SPATA17: variants seen among roughly 807,000 people sequenced by gnomAD.
The protein encoded by SPATA17 is spermatogenesis-associated protein 17.
Under a neutral mutation model 62.2 loss-of-function variants are expected in SPATA17, and 53 were observed. The ratio of observed to expected loss-of-function variants is 0.85; its 90% CI spans 0.68 to 1.07. The LOEUF (loss-of-function observed/expected upper bound fraction) is 1.07, where lower values mean the gene tolerates loss of function less well. SPATA17 is among the 50% of genes least tolerant of loss of function. SPATA17 has a pLI of 0.00. For synonymous variants in SPATA17, 146 were observed against 146.8 expected (o/e 0.99, Z 0.04); for missense variants, 466 against 425.5 (o/e 1.10, Z -0.84).
intron 9 of SPATA17, among the ~76,000 whole-genome samples, chr1:217,855,086 T>C (rs548230757): frequency 4.5e-4 from 68 of 152,326 alleles, no homozygotes; most frequent in African/African-American, 1.6e-3. Flanking sequence ...CACTTAGTGT[T>C]GTAGCAGGAG....
intron 4 of SPATA17, among the ~76,000 whole-genome samples, chr1:217,682,601 T>A (rs1671112698): frequency 1.3e-5 from 2 of 152,160 alleles, no homozygotes. Context: ...TGTATAATTA[T>A]AGGAAAATTG....
chr1:217,849,406 T>C (rs1222955360), intron 9 of SPATA17, among the ~76,000 whole-genome samples: 2 of 152,154 alleles, frequency 1.3e-5, no homozygotes, highest in Admixed American at 6.6e-5. Flanking sequence ...AAATTTGCTG[T>C]TGTGTTACTT....
chr1:217,737,769 A>G (rs1672542528), intron 5 of SPATA17: 1 of 151,852 alleles, frequency 6.6e-6, no homozygotes, highest in African/African-American at 2.4e-5. Flanking sequence ...AGTCCTGGCC[A>G]CTGCTTCACA....
intron 1 of SPATA17, among the ~76,000 whole-genome samples, chr1:217,637,504 T>C (rs1221638200): frequency 6.6e-6 from 1 of 152,200 alleles, no homozygotes; most frequent in African/African-American, 2.4e-5. Context: ...CGTACTTCAT[T>C]ACCCTGTAGC....
chr1:217,642,868 A>G (rs1261542353), intron 1 of SPATA17, among the ~76,000 whole-genome samples: 2 of 152,186 alleles, frequency 1.3e-5, no homozygotes, highest in Non-Finnish European at 2.9e-5. Flanking sequence ...AGTCTTGTGT[A>G]GTATCTTTAT....
chr1:217,769,435 C>T (rs1475295932), intron 6 of SPATA17, among the ~76,000 whole-genome samples: 1 of 152,168 alleles, frequency 6.6e-6, no homozygotes, highest in Non-Finnish European at 1.5e-5. Context: ...TTATCTGCAC[C>T]CCTGAGGAAC....
intron 10 of SPATA17, among the ~76,000 whole-genome samples, chr1:217,865,103 T>G (rs1361239150): frequency 6.6e-6 from 1 of 152,170 alleles, no homozygotes; most frequent in Non-Finnish European, 1.5e-5. Context: ...TAGCTGAGGC[T>G]CTCCTATTAA....
intron 6 of SPATA17, among the ~76,000 whole-genome samples, chr1:217,742,719 T>A (rs778979551): frequency 4.6e-5 from 7 of 152,154 alleles, no homozygotes; most frequent in Non-Finnish European, 7.4e-5. Context: ...AGAAATACGG[T>A]TTTAAAAAAG....
At chr1:217,673,751 T>C (rs1165293995) in intron 4 of SPATA17, among the ~76,000 whole-genome samples, 1 of 152,154 alleles carries the variant, frequency 6.6e-6, no homozygotes, top group Non-Finnish European at 1.5e-5. Flanking sequence ...GCTTAGAGAG[T>C]CCGGTTCCTG....
intron 3 of SPATA17, among the ~76,000 whole-genome samples, chr1:217,662,658 T>A (rs1407963824): frequency 2.0e-5 from 3 of 152,184 alleles, no homozygotes. Context: ...AATTCCATTG[T>A]ATGTTGTTAC....
At chr1:217,832,402 C>T (rs1191386371) in intron 9 of SPATA17, among the ~76,000 whole-genome samples, 4 of 152,094 alleles carry the variant, frequency 2.6e-5, no homozygotes, top group Admixed American at 2.0e-4. Context: ...CATGCTTTAA[C>T]TTTCTAATTC....
chr1:217,828,521 A>G (rs1380667275), intron 9 of SPATA17, among the ~76,000 whole-genome samples: 1 of 80,744 alleles, frequency 1.2e-5, no homozygotes, highest in Non-Finnish European at 3.2e-5. Context: ...ATTGGAAATG[A>G]TTTTTTGAAT....
intron 1 of SPATA17, among the ~76,000 whole-genome samples, chr1:217,646,423 G>C (rs1670182993): frequency 6.6e-6 from 1 of 152,100 alleles, no homozygotes; most frequent in Non-Finnish European, 1.5e-5. Context: ...TCATCTCTCA[G>C]TTTATTTTAT....
chr1:217,649,934 C>CTT (rs771612819), intron 2 of SPATA17, among the ~76,000 whole-genome samples: 4,024 of 120,254 alleles, frequency 0.033, 247 homozygotes, highest in African/African-American at 0.11. Context: ...AGGCTTCTCT[C>CTT]TTTTTTTTTT....
intron 5 of SPATA17, among the ~76,000 whole-genome samples, chr1:217,732,643 C>T (rs1277389321): frequency 1.3e-5 from 2 of 152,028 alleles, no homozygotes; most frequent in African/African-American, 4.8e-5. Flanking sequence ...GCAGGAAAGC[C>T]CCCATGCTGT....
intron 1 of SPATA17, among the ~76,000 whole-genome samples, chr1:217,646,701 C>T (rs955476621): frequency 5.9e-5 from 9 of 152,030 alleles, no homozygotes; most frequent in Non-Finnish European, 7.4e-5. Context: ...TCAAGACCAG[C>T]CTGGCCAATA....
chr1:217,671,840 T>C (rs766543959), intron 4 of SPATA17, among the ~76,000 whole-genome samples: 1 of 152,222 alleles, frequency 6.6e-6, no homozygotes, highest in Non-Finnish European at 1.5e-5. Flanking sequence ...AAATTTATAA[T>C]AGAGACATTT....
At chr1:217,652,390 C>A (rs1424516020) in intron 3 of SPATA17, among the ~76,000 whole-genome samples, 1 of 152,168 alleles carries the variant, frequency 6.6e-6, no homozygotes, top group African/African-American at 2.4e-5. Flanking sequence ...AGCCACCACA[C>A]CTGGCTAATT....
At position 217,869,305 on chromosome 1, in the gene SPATA17, G is replaced by T. The variant is rs1182639400; in HGVS notation, c.*2286G>T. On this transcript the variant is annotated 3_prime_UTR_variant, in exon 11 of 11. Coordinates refer to ENST00000366933, the MANE Select transcript of SPATA17 (RefSeq NM_138796.4). ...GTTCAAAGAATTTATCTAAAGACCT[G>T]GAATCCATAGAAGGCTTTACCTGGA... 1 of 152,106 alleles carries T rather than the reference G, an allele frequency of 6.6e-6. No individual in the cohort carries two copies. The highest frequency in any genetic ancestry group is 1.9e-4 in the East Asian group (1 of 5,172). The allele number at this position is 152,106 out of a possible 1,614,324, so 9.4% of individuals were successfully genotyped here.
Sources: gnomAD v4.1 joint callset for allele counts (sites outside exome capture counted in the v4.1 genomes callset) on GRCh38, gnomAD v4.1.1 for gene constraint, MANE v1.5 for transcripts, NCBI Gene and HGNC (gene_info 2026-07-23, HGNC 2026-07-21) for gene names.